The following PCDHA1 variants were observed in gnomAD, a reference collection of about 807,000 sequenced individuals.
The protein encoded by PCDHA1 is protocadherin alpha-1.
A neutral mutation model predicts 61.3 loss-of-function variants in PCDHA1; 42 were observed. The observed-to-expected ratio is 0.69, with a 90% confidence interval of 0.54 to 0.89. PCDHA1 has a LOEUF of 0.89. Among genes scored for constraint, PCDHA1 ranks in the 40% least tolerant of loss-of-function variants. PCDHA1 has a pLI of 0.00. For synonymous variants in PCDHA1, 610 were observed against 553.8 expected (o/e 1.10, Z -1.43); for missense variants, 1,256 against 1,235.3 (o/e 1.02, Z -0.25).
intron 1 of PCDHA1, chr5:140,849,876 A>T (rs191347173): frequency 4.4e-6 from 7 of 1,598,522 alleles, no homozygotes; most frequent in Middle Eastern, 1.7e-4. Context: ...GTCCGAGTAC[A>T]CGGTGTTCGT....
At chr5:140,828,229 C>A in intron 1 of PCDHA1, 1 of 1,613,968 alleles carries the variant, frequency 6.2e-7, no homozygotes, top group Non-Finnish European at 8.5e-7. Context: ...CCTTCGTGGG[C>A]CGGATCGCGC....
intron 1 of PCDHA1, among the ~76,000 whole-genome samples, chr5:140,974,825 A>G (rs2096642596): frequency 6.6e-6 from 1 of 152,198 alleles, no homozygotes; most frequent in Admixed American, 6.5e-5. Flanking sequence ...ATGCAACATA[A>G]TGATTATTTT....
intron 1 of PCDHA1, among the ~76,000 whole-genome samples, chr5:140,903,450 T>A (rs2070311741): frequency 2.6e-5 from 4 of 152,202 alleles, no homozygotes; most frequent in Admixed American, 1.3e-4. Flanking sequence ...ATTCATCTGA[T>A]CAAACTTAAA....
chr5:140,967,985 A>C, intron 1 of PCDHA1: 1 of 1,614,218 alleles, frequency 6.2e-7, no homozygotes, highest in Non-Finnish European at 8.5e-7. Context: ...TCTGGAGGCC[A>C]CACTGCCTTT....
chr5:140,916,322 C>T (rs2077526281), intron 1 of PCDHA1, among the ~76,000 whole-genome samples: 1 of 152,066 alleles, frequency 6.6e-6, no homozygotes, highest in Non-Finnish European at 1.5e-5. Context: ...GACAAAGTCC[C>T]CTTTACTTTT....
At chr5:140,805,461 G>A (rs1255344487) in intron 1 of PCDHA1, 5 of 1,015,688 alleles carry the variant, frequency 4.9e-6, no homozygotes, top group African/African-American at 1.7e-5. Flanking sequence ...TTGTGTGAGT[G>A]TAGTTCTTCA....
intron 1 of PCDHA1, chr5:140,870,608 C>G (rs1408684171): frequency 6.2e-7 from 1 of 1,613,106 alleles, no homozygotes; most frequent in African/African-American, 1.3e-5. Flanking sequence ...GGCGACCGCG[C>G]GCTGTCGAGC....
chr5:140,881,743 A>C (rs964884426), intron 1 of PCDHA1, among the ~76,000 whole-genome samples: 4 of 152,182 alleles, frequency 2.6e-5, no homozygotes, highest in African/African-American at 9.7e-5. Flanking sequence ...CAGGAAGAGG[A>C]CAGTACCACA....
chr5:141,006,505 G>A (rs2098276412), intron 3 of PCDHA1, among the ~76,000 whole-genome samples: 2 of 152,020 alleles, frequency 1.3e-5, no homozygotes, highest in African/African-American at 4.8e-5. Flanking sequence ...GAGCCACCGC[G>A]CCTGGCTGTT....
intron 1 of PCDHA1, among the ~76,000 whole-genome samples, chr5:140,905,031 T>G (rs2071545933): frequency 6.6e-6 from 1 of 152,228 alleles, no homozygotes. Flanking sequence ...GCAGAAGCTT[T>G]TTAGTTTAAT....
intron 3 of PCDHA1, among the ~76,000 whole-genome samples, chr5:140,997,957 C>T (rs1051643572): frequency 6.6e-5 from 10 of 152,156 alleles, no homozygotes; most frequent in East Asian, 1.9e-4. Context: ...TTGGCATTCA[C>T]GTACCTGTGG....
intron 1 of PCDHA1, chr5:140,866,780 G>C (rs1327991487): frequency 6.6e-6 from 1 of 152,092 alleles, no homozygotes; most frequent in Admixed American, 6.6e-5. Flanking sequence ...TGTATGTCCT[G>C]ACTGATATAG....
chr5:140,837,632 CCTTT>C (rs140175664), intron 1 of PCDHA1, among the ~76,000 whole-genome samples: 9,222 of 151,164 alleles, frequency 0.061, 992 homozygotes, highest in African/African-American at 0.21. Context: ...TTCCTTCCTT[CCTTT>C]CTTTCTTTCT....
intron 1 of PCDHA1, among the ~76,000 whole-genome samples, chr5:140,891,210 G>A (rs2062986388): frequency 1.3e-5 from 2 of 152,180 alleles, no homozygotes; most frequent in South Asian, 4.1e-4. Context: ...TTACCATGCT[G>A]TGTCTTTATA....
intron 1 of PCDHA1, among the ~76,000 whole-genome samples, chr5:140,898,428 A>G (rs1554187988): frequency 2.6e-5 from 4 of 152,132 alleles, no homozygotes; most frequent in Non-Finnish European, 5.9e-5. Flanking sequence ...TTTTCCCAGC[A>G]CCATTTATTA....
intron 3 of PCDHA1, among the ~76,000 whole-genome samples, chr5:140,999,693 A>AT (rs202183337): frequency 0.011 from 1,632 of 151,520 alleles, 13 homozygotes; most frequent in Middle Eastern, 0.058. Flanking sequence ...AAGAAATGTG[A>AT]TTTTTTTTTA....
intron 1 of PCDHA1, among the ~76,000 whole-genome samples, chr5:140,855,633 AT>A (rs1445956184): frequency 6.7e-6 from 1 of 149,874 alleles, no homozygotes; most frequent in Non-Finnish European, 1.5e-5. Flanking sequence ...AAATTCGGCT[AT>A]TGATAATCAT....
intron 1 of PCDHA1, among the ~76,000 whole-genome samples, chr5:140,975,492 A>G (rs2153807380): frequency 6.6e-6 from 1 of 152,332 alleles, no homozygotes; most frequent in South Asian, 2.1e-4. Flanking sequence ...ATCAATGTTC[A>G]TAAAATAGCA....
chr5:140,837,994 C>CT lies in PCDHA1; in HGVS notation c.2394+49318dup, dbSNP rs2150281652. Among the ~76,000 whole-genome samples, 95 of 150,614 alleles carry CT rather than the reference C, an allele frequency of 6.3e-4. 1 individual carries two copies. Among genetic ancestry groups the CT allele is most frequent in the African/African-American group, 9.0e-4 (37 of 40,918 alleles). On this transcript the variant is annotated intron_variant, in intron 1 of 3. Transcript: ENST00000504120. ...ACACCCAGCCTGCCTTTCATCTTTC[C>CT]TTTTTTTTAAAAAAAGAAGTGATTA... is the stretch of plus-strand genomic sequence containing the variant.
Sources: gnomAD v4.1 joint callset for allele counts (sites outside exome capture counted in the v4.1 genomes callset) on GRCh38, gnomAD v4.1.1 for gene constraint, MANE v1.5 for transcripts, NCBI Gene and HGNC (gene_info 2026-07-23, HGNC 2026-07-21) for gene names.